Variants in RBFOX1 observed in about 807,000 individuals in gnomAD.
The protein encoded by RBFOX1 is RNA binding protein fox-1 homolog 1.
In RBFOX1, 8 loss-of-function variants were observed where a neutral mutation model predicts 57.7. The ratio of observed to expected loss-of-function variants is 0.14; its 90% CI spans 0.08 to 0.25. The LOEUF is 0.25. Among genes scored for constraint, RBFOX1 ranks in the 10% least tolerant of loss-of-function variants. The probability of loss-of-function intolerance (pLI) is 1.00; values close to 1 mark genes in which losing one functional copy is unlikely to be tolerated. For missense variants in RBFOX1, 611 were observed against 548.5 expected (o/e 1.11, Z -1.14); for synonymous variants, 326 against 222.4 (o/e 1.47, Z -4.15).
At chr16:6,627,856 G>C (rs1182467199) in intron 2 of RBFOX1, among the ~76,000 whole-genome samples, 1 of 152,160 alleles carries the variant, frequency 6.6e-6, no homozygotes, top group Non-Finnish European at 1.5e-5. Context: ...CAGTACAAAA[G>C]GAGAAGTTTC....
intron 1 of RBFOX1, among the ~76,000 whole-genome samples, chr16:5,317,906 C>A (rs1242698923): frequency 6.6e-6 from 1 of 152,112 alleles, no homozygotes; most frequent in South Asian, 2.1e-4. Flanking sequence ...AACAGAAACT[C>A]TATATCCTAA....
intron 3 of RBFOX1, among the ~76,000 whole-genome samples, chr16:5,846,181 T>TAAA (rs60988421): frequency 7.6e-6 from 1 of 132,398 alleles, no homozygotes. Flanking sequence ...GGCACTGTCT[T>TAAA]AAAAAAAAAA....
At chr16:6,921,643 A>ATTTT (rs1485522876) in intron 3 of RBFOX1, among the ~76,000 whole-genome samples, 1 of 34,542 alleles carries the variant, frequency 2.9e-5, no homozygotes, top group African/African-American at 8.8e-5. Flanking sequence ...ATATATATAT[A>ATTTT]TATTTTTTTT....
At chr16:7,446,995 G>T (rs2150076148) in intron 4 of RBFOX1, among the ~76,000 whole-genome samples, 1 of 151,370 alleles carries the variant, frequency 6.6e-6, no homozygotes, top group East Asian at 2.0e-4. Context: ...TGTATTTTTA[G>T]TAGAGAATGG....
intron 2 of RBFOX1, among the ~76,000 whole-genome samples, chr16:6,633,341 G>A (rs566139365): frequency 5.3e-5 from 8 of 152,214 alleles, no homozygotes; most frequent in African/African-American, 1.7e-4. Flanking sequence ...GCAGCGGCAC[G>A]ATCTTGGCTC....
chr16:5,756,450 G>C (rs569080255), intron 3 of RBFOX1, among the ~76,000 whole-genome samples: 2 of 152,104 alleles, frequency 1.3e-5, no homozygotes, highest in South Asian at 4.1e-4. Flanking sequence ...CACCTTTGCG[G>C]TGGAGTTTGT....
chr16:5,605,474 G>C (rs184264315), intron 3 of RBFOX1, among the ~76,000 whole-genome samples: 2 of 152,086 alleles, frequency 1.3e-5, no homozygotes, highest in East Asian at 3.9e-4. Flanking sequence ...TGAGTAATAG[G>C]AGGGGACAGT....
At chr16:7,218,655 TG>T (rs2092460408) in intron 4 of RBFOX1, among the ~76,000 whole-genome samples, 1 of 148,796 alleles carries the variant, frequency 6.7e-6, no homozygotes, top group Admixed American at 6.7e-5. Context: ...TGTGTGTGTG[TG>T]TGTGTGTGTG....
chr16:6,717,259 C>T (rs2065014995), intron 3 of RBFOX1, among the ~76,000 whole-genome samples: 1 of 152,122 alleles, frequency 6.6e-6, no homozygotes. Context: ...ATACCCATTT[C>T]TGACATTATT....
At chr16:6,263,667 G>C (rs776948210) in intron 1 of RBFOX1, among the ~76,000 whole-genome samples, 21 of 152,070 alleles carry the variant, frequency 1.4e-4, no homozygotes, top group Non-Finnish European at 2.5e-4. Context: ...TCCTTTCCTA[G>C]TTGGCATGGT....
intron 4 of RBFOX1, among the ~76,000 whole-genome samples, chr16:7,091,965 A>G (rs189254692): frequency 1.2e-3 from 181 of 152,304 alleles, no homozygotes; most frequent in African/African-American, 4.1e-3. Context: ...TTTGTTTGAC[A>G]TTCTCTTTTC....
chr16:7,431,909 AG>A (rs2098684277), intron 4 of RBFOX1, among the ~76,000 whole-genome samples: 1 of 152,340 alleles, frequency 6.6e-6, no homozygotes, highest in African/African-American at 2.4e-5. Context: ...CACAGGAGGC[AG>A]GGGCTTGTTT....
intron 1 of RBFOX1, among the ~76,000 whole-genome samples, chr16:6,083,950 G>A (rs1434969417): frequency 6.6e-6 from 1 of 152,130 alleles, no homozygotes; most frequent in Non-Finnish European, 1.5e-5. Context: ...GGAGCTTGGG[G>A]GAATTCTCCT....
At chr16:7,267,935 G>A (rs905150729) in intron 4 of RBFOX1, among the ~76,000 whole-genome samples, 4 of 152,184 alleles carry the variant, frequency 2.6e-5, no homozygotes, top group African/African-American at 9.7e-5. Flanking sequence ...AGCACTTAAT[G>A]GCAGGGGTAC....
chr16:5,760,241 A>T (rs754921624), intron 3 of RBFOX1, among the ~76,000 whole-genome samples: 16 of 152,130 alleles, frequency 1.1e-4, no homozygotes, highest in Non-Finnish European at 2.4e-4. Flanking sequence ...GTCCCAGGCA[A>T]ACAGAGACAG....
chr16:6,226,394 A>G (rs1252436502), intron 1 of RBFOX1, among the ~76,000 whole-genome samples: 1 of 145,146 alleles, frequency 6.9e-6, no homozygotes, highest in African/African-American at 2.6e-5. Context: ...AAAAAAAACA[A>G]AAAAATATTT....
chr16:6,634,626 T>C (rs1040073266), intron 2 of RBFOX1, among the ~76,000 whole-genome samples: 2 of 146,424 alleles, frequency 1.4e-5, no homozygotes, highest in Non-Finnish European at 3.0e-5. Flanking sequence ...TAAAGTATTA[T>C]ATAAATGGAA....
At chr16:6,821,928 G>T (rs529739287) in intron 3 of RBFOX1, among the ~76,000 whole-genome samples, 1 of 152,146 alleles carries the variant, frequency 6.6e-6, no homozygotes, top group East Asian at 1.9e-4. Context: ...AGGAAACTCT[G>T]TTTTTCACAG....
At chr16:6,677,089 A>G (rs959663420) in intron 3 of RBFOX1, among the ~76,000 whole-genome samples, 3 of 152,244 alleles carry the variant, frequency 2.0e-5, no homozygotes, top group Non-Finnish European at 2.9e-5. Flanking sequence ...CTTTACAAGC[A>G]TGATTCATTT....
Sources: gnomAD v4.1 joint callset for allele counts (sites outside exome capture counted in the v4.1 genomes callset) on GRCh38, gnomAD v4.1.1 for gene constraint, MANE v1.5 for transcripts, NCBI Gene and HGNC (gene_info 2026-07-23, HGNC 2026-07-21) for gene names.